The following AJAP1 variants were observed in gnomAD, a reference collection of about 807,000 sequenced individuals.
AJAP1 encodes the protein adherens junction-associated protein 1.
In AJAP1, 5 loss-of-function variants were observed where a neutral mutation model predicts 35.0. That is an observed-to-expected ratio of 0.14 (90% CI 0.07 to 0.30). The LOEUF is 0.30. AJAP1 is among the 10% of genes least tolerant of loss of function. AJAP1 has a pLI of 1.00. For missense variants in AJAP1, 586 were observed against 571.0 expected (o/e 1.03, Z -0.27); for synonymous variants, 284 against 249.3 (o/e 1.14, Z -1.31).
Position 4,725,612 on chromosome 1 carries a change from C to T in AJAP1, c.829+12913C>T, listed in dbSNP as rs145608629. Among the ~76,000 whole-genome samples the T allele has an allele frequency of 5.1e-3, 775 of 152,256 alleles. 3 individuals carry two copies. The highest frequency in any genetic ancestry group is 0.016 in the African/African-American group (662 of 41,542). ...TTGGTGGCGGGAGTTGCTCGGCCAACGGAACCGGGGGCCTCCTGTGCCGGT... is the reference window on the plus strand; with the variant it reads ...TTGGTGGCGGGAGTTGCTCGGCCAATGGAACCGGGGGCCTCCTGTGCCGGT... On this transcript the variant is annotated intron_variant, in intron 2 of 5. Coordinates refer to ENST00000378191, the MANE Select transcript of AJAP1 (RefSeq NM_018836.4).
intron 2 of AJAP1, among the ~76,000 whole-genome samples, chr1:4,753,004 C>T (rs925175215): frequency 5.9e-5 from 9 of 152,172 alleles, no homozygotes; most frequent in African/African-American, 2.2e-4. Context: ...CAGTGGGTCC[C>T]CTTGTATGAC....
At chr1:4,682,270 T>C (rs530380865) in intron 1 of AJAP1, among the ~76,000 whole-genome samples, 17 of 152,328 alleles carry the variant, frequency 1.1e-4, no homozygotes, top group Admixed American at 6.5e-4. Context: ...TGATCAGTGC[T>C]GTTGTAGTTG....
intron 5 of AJAP1, among the ~76,000 whole-genome samples, chr1:4,776,766 C>T (rs567292520): frequency 6.6e-6 from 1 of 152,298 alleles, no homozygotes; most frequent in Non-Finnish European, 1.5e-5. Flanking sequence ...ACCCCACTTC[C>T]CAACTGTGCC....
intron 1 of AJAP1, among the ~76,000 whole-genome samples, chr1:4,657,102 A>G (rs955645221): frequency 6.6e-6 from 1 of 151,478 alleles, no homozygotes; most frequent in Non-Finnish European, 1.5e-5. Flanking sequence ...TTGAACAGAC[A>G]TTTTTTTTTA....
intron 1 of AJAP1, among the ~76,000 whole-genome samples, chr1:4,689,855 C>T (rs1639698546): frequency 6.6e-6 from 1 of 152,190 alleles, no homozygotes; most frequent in African/African-American, 2.4e-5. Context: ...TGCCCAGCAG[C>T]AGAGGGGATG....
rs1280665156 is a variant in AJAP1, at chr1:4,656,216, C to G, written c.29+762C>G. ...AGCCTAGAGCCCGTGGTGGGGGTGT[C>G]CAGAAAGACCCTTCTCGGCAAACTT... On this transcript the variant is annotated intron_variant, in intron 1 of 5. Transcript: ENST00000378191. This position sits in a 1 kb window ranked among gnomAD's most constrained non-coding sequence, Gnocchi z 5.7. 6.6e-6 allele frequency among the ~76,000 whole-genome samples: 1 copy of G among 152,160 alleles called. No homozygotes were observed. The highest frequency in any genetic ancestry group is 1.5e-5 in the Non-Finnish European group (1 of 68,024).
At chr1:4,704,714 T>C (rs1305562747) in intron 1 of AJAP1, among the ~76,000 whole-genome samples, 1 of 152,178 alleles carries the variant, frequency 6.6e-6, no homozygotes, top group African/African-American at 2.4e-5. Context: ...TAGTTCTAGA[T>C]CCCTGAGGAA....
chr1:4,739,745 G>A (rs974322471), intron 2 of AJAP1, among the ~76,000 whole-genome samples: 2 of 152,042 alleles, frequency 1.3e-5, no homozygotes, highest in African/African-American at 4.8e-5. Context: ...GTTTTCTTTT[G>A]TACTTGTGAT....
chr1:4,744,706 A>G (rs1456466576), intron 2 of AJAP1, among the ~76,000 whole-genome samples: 1 of 152,060 alleles, frequency 6.6e-6, no homozygotes, highest in Non-Finnish European at 1.5e-5. Flanking sequence ...CATAACACAC[A>G]GTCACATATA....
Position 4,693,083 on chromosome 1 carries a change from A to G in AJAP1, c.30-18817A>G, listed in dbSNP as rs1639780309. Among the ~76,000 whole-genome samples the G allele has an allele frequency of 6.6e-6, 1 of 152,114 alleles. No homozygotes were observed. Among genetic ancestry groups the G allele is most frequent in the South Asian group, 2.1e-4 (1 of 4,822 alleles). ...TGTGCTTTACAGTTTCCTGGAAGCCACCCTTCCCTCACCATGGCCCAGGGA... is the reference window on the plus strand; with the variant it reads ...TGTGCTTTACAGTTTCCTGGAAGCCGCCCTTCCCTCACCATGGCCCAGGGA... On this transcript the variant is annotated intron_variant, in intron 1 of 5. Coordinates refer to ENST00000378191, the MANE Select transcript of AJAP1 (RefSeq NM_018836.4). This position sits in a 1 kb window ranked among gnomAD's most constrained non-coding sequence, Gnocchi z 4.4.
At chr1:4,671,426 G>A (rs10915583) in intron 1 of AJAP1, among the ~76,000 whole-genome samples, 2 of 150,500 alleles carry the variant, frequency 1.3e-5, no homozygotes, top group South Asian at 4.2e-4. Context: ...ACATGATGCT[G>A]TGGCATGTGC....
At chr1:4,696,043 G>A (rs1309356930) in intron 1 of AJAP1, among the ~76,000 whole-genome samples, 1 of 152,134 alleles carries the variant, frequency 6.6e-6, no homozygotes, top group Non-Finnish European at 1.5e-5. Flanking sequence ...CCTGAGTGGA[G>A]AATTGTGTGT....
chr1:4,701,290 C>T (rs1467720600), intron 1 of AJAP1, among the ~76,000 whole-genome samples: 2 of 152,230 alleles, frequency 1.3e-5, no homozygotes, highest in East Asian at 1.9e-4. Flanking sequence ...CCCTGCCACT[C>T]GGTGGCAGGT....
chr1:4,764,378 G>A (rs140912535), intron 2 of AJAP1, among the ~76,000 whole-genome samples: 4,609 of 152,234 alleles, frequency 0.03, 331 homozygotes, highest in Admixed American at 0.18. Flanking sequence ...GTGAGCAACT[G>A]ACTCAGACGA....
intron 2 of AJAP1, among the ~76,000 whole-genome samples, chr1:4,721,604 A>C (rs1640517728): frequency 6.6e-6 from 1 of 152,188 alleles, no homozygotes; most frequent in South Asian, 2.1e-4. Flanking sequence ...CTTGTCACTT[A>C]TTCCCACCTC....
chr1:4,696,740 C>T (rs1364238488), intron 1 of AJAP1, among the ~76,000 whole-genome samples: 3 of 152,084 alleles, frequency 2.0e-5, no homozygotes, highest in African/African-American at 7.2e-5. Context: ...CACGCACCTG[C>T]GTTCTGTGTG....
intron 2 of AJAP1, among the ~76,000 whole-genome samples, chr1:4,732,910 G>A (rs991443965): frequency 1.3e-5 from 2 of 152,176 alleles, no homozygotes; most frequent in East Asian, 1.9e-4. Context: ...GAGGAACTGC[G>A]TCTCCAAATA....
At chr1:4,761,180 T>A (rs968107107) in intron 2 of AJAP1, among the ~76,000 whole-genome samples, 1 of 152,158 alleles carries the variant, frequency 6.6e-6, no homozygotes, top group Non-Finnish European at 1.5e-5. Flanking sequence ...CCTCACCCCA[T>A]TCCCGGTGCC....
chr1:4,760,795 G>A (rs1641547823), intron 2 of AJAP1, among the ~76,000 whole-genome samples: 2 of 152,216 alleles, frequency 1.3e-5, no homozygotes, highest in Non-Finnish European at 1.5e-5. Flanking sequence ...CAAGGCGTGT[G>A]GCCACACCAT....
Sources: gnomAD v4.1 joint callset for allele counts (sites outside exome capture counted in the v4.1 genomes callset) on GRCh38, gnomAD v4.1.1 for gene constraint, Gnocchi (gnomAD v3.1) non-coding constraint, MANE v1.5 for transcripts, NCBI Gene and HGNC (gene_info 2026-07-23, HGNC 2026-07-21) for gene names.